APPL2: variants seen among roughly 807,000 people sequenced by gnomAD.
The protein encoded by APPL2 is adaptor protein, phosphotyrosine interacting with PH domain and leucine zipper 2, also known as DCC-interacting protein 13-beta.
Under a neutral mutation model 92.7 loss-of-function variants are expected in APPL2, and 84 were observed. The ratio of observed to expected loss-of-function variants is 0.91; its 90% CI spans 0.76 to 1.09. The LOEUF is 1.09. APPL2 is among the 50% of genes least tolerant of loss of function. APPL2 has a pLI of 0.00. For synonymous variants in APPL2, 291 were observed against 291.0 expected, an observed-to-expected ratio of 1.00 and a Z score of 0.00; for missense variants, 736 against 824.5, an observed-to-expected ratio of 0.89 and a Z score of 1.31.
At chr12:105,186,645 G>GATATAT (rs879884212) in intron 17 of APPL2, among the ~76,000 whole-genome samples, 45,688 of 126,260 alleles carry the variant, frequency 0.36, 9,086 homozygotes, top group Middle Eastern at 0.55. Flanking sequence ...TCATATATAT[G>GATATAT]ATATCGATAT....
chr12:105,185,289 G>A (rs901093013), intron 17 of APPL2, among the ~76,000 whole-genome samples: 5 of 152,208 alleles, frequency 3.3e-5, no homozygotes, highest in African/African-American at 1.2e-4. Context: ...CTGAGGTTCA[G>A]ACGCCACTGG....
chr12:105,208,946 A>T (rs1888989407), intron 5 of APPL2, among the ~76,000 whole-genome samples: 1 of 152,212 alleles, frequency 6.6e-6, no homozygotes, highest in South Asian at 2.1e-4. Flanking sequence ...ATTCACATCT[A>T]TGTTGGTTAT....
rs768116990 is a variant in APPL2, at chr12:105,174,457, A to G, written c.1861-9T>C. 1.2e-6 allele frequency: 2 copies of G among 1,610,198 alleles called. No individual in the cohort carries two copies. Among genetic ancestry groups the G allele is most frequent in the African/African-American group, 2.7e-5 (2 of 74,630 alleles). ...GCCAGTGCTTCTGGATCCTGAAGTT[A>G]GGAGAGTTTAAAAGGGAAAAAAGAA... is the stretch of plus-strand genomic sequence containing the variant. On this transcript the variant is annotated splice_polypyrimidine_tract_variant and intron_variant, in intron 20 of 20. Coordinates refer to ENST00000258530, the MANE Select transcript of APPL2 (RefSeq NM_018171.5).
At chr12:105,176,247 G>C (rs780962484) in intron 19 of APPL2, 165 bp from the exon 20 acceptor site, 5 of 606,230 alleles carry the variant, frequency 8.2e-6, no homozygotes, top group Non-Finnish European at 1.4e-5. Context: ...GGGCATTTGC[G>C]TCCAACTGTC....
chr12:105,190,116 GTCATTT>G lies in APPL2; in HGVS notation c.1275_1280del (p.Glu425_Asn426del). On this transcript the variant is annotated inframe_deletion, in exon 15 of 21. Transcript: ENST00000258530. ...TGGCTGTTGCTTTGGGAACAATCTTGTCATTTTCATTTTCCATCTCTGAATTTTTCA... is the reference window on the plus strand; with the variant it reads ...TGGCTGTTGCTTTGGGAACAATCTTGTCATTTTCCATCTCTGAATTTTTCA... 1 of 1,613,994 alleles carries G rather than the reference GTCATTT, an allele frequency of 6.2e-7. No homozygotes were observed. The highest frequency in any genetic ancestry group is 1.3e-5 in the African/African-American group (1 of 75,016).
intron 11 of APPL2, 62 bp downstream of exon 11, chr12:105,197,703 C>T: frequency 1.3e-6 from 2 of 1,592,712 alleles, no homozygotes; most frequent in Non-Finnish European, 1.7e-6. Context: ...AACTAGGAGG[C>T]CCTTGGAACG....
intron 11 of APPL2, 120 bp from the exon 12 acceptor site, chr12:105,195,747 G>C: frequency 9.1e-7 from 1 of 1,096,738 alleles, no homozygotes. Context: ...GCAGCATGAT[G>C]AGAGGGAAAG....
chr12:105,175,742 G>A lies in APPL2; in HGVS notation c.1860+293C>T, dbSNP rs138407553. On this transcript the variant is annotated intron_variant, in intron 20 of 20. Transcript: ENST00000258530. ...GGAGCAAGGCCTTAGAGCAGCACAC[G>A]GTGGGTACTTATCTATCATCTTAAT... Among the ~76,000 whole-genome samples the A allele has an allele frequency of 1.0e-3, 149 of 143,484 alleles. 2 individuals carry two copies. The highest frequency in any genetic ancestry group is 3.8e-3 in the African/African-American group (144 of 38,098). The allele number at this position is 143,484 out of a possible 152,430, so 94.1% of individuals were successfully genotyped here. A position where few individuals can be genotyped will look rare whatever the true frequency, so the allele number is the denominator to read the frequency against.
At chr12:105,186,674 G>GATATCGATATCATATATATCAT (rs1566056451) in intron 17 of APPL2, among the ~76,000 whole-genome samples, 1 of 47,448 alleles carries the variant, frequency 2.1e-5, no homozygotes, top group African/African-American at 4.8e-5. Flanking sequence ...TCATATATAT[G>GATATCGATATCATATATATCAT]ATATATCATA....
intron 16 of APPL2, 114 bp from the exon 17 acceptor site, chr12:105,188,561 A>T: frequency 9.5e-7 from 1 of 1,047,700 alleles, no homozygotes; most frequent in Non-Finnish European, 1.4e-6. Flanking sequence ...CTTTCTACCA[A>T]AATTTCTCAA....
rs557451579 is a variant in APPL2 at position 105,180,641 on chromosome 12, T to G, written c.1635-3379A>C. Among the ~76,000 whole-genome samples the G allele has an allele frequency of 3.3e-5, 5 of 152,356 alleles. No individual in the cohort carries two copies. The East Asian group carries it at 9.6e-4, about 29-fold the overall frequency. On this transcript the variant is annotated intron_variant, in intron 17 of 20. Transcript: ENST00000258530. Reference sequence around the variant, plus strand: ...TTTGTTTGTGTCCTCTCTTATTTCCTTGAGCAGTGGTTTGTAGTTCTCCTT... The same window carrying G: ...TTTGTTTGTGTCCTCTCTTATTTCCGTGAGCAGTGGTTTGTAGTTCTCCTT...
Position 105,176,964 on chromosome 12 carries a change from A to G in APPL2, c.1724T>C (p.Leu575Pro). 6.2e-7 allele frequency: 1 copy of G among 1,614,132 alleles called. No individual in the cohort carries two copies. Among genetic ancestry groups the G allele is most frequent in the South Asian group, 1.1e-5 (1 of 91,076 alleles). ...AGGAACACGGATGACAAAACCAACC[A>G]GTCTCTTGTTTTCTTGATGAGCAGC... The part of the protein sequence containing the change: ...QFAAHQENKR[L>P]VGFVIRVPES... Residue 575 changes from leucine (L) to proline (P), a missense_variant, in exon 19 of 21, where the codon CTG becomes CCG. Transcript: ENST00000258530.
At chr12:105,174,886 G>GGGGC (rs1480627928) in intron 20 of APPL2, among the ~76,000 whole-genome samples, 1 of 140,604 alleles carries the variant, frequency 7.1e-6, no homozygotes, top group Non-Finnish European at 1.6e-5. Flanking sequence ...TGGGGGGGGG[G>GGGGC]GTGGTGCGGC....
rs1891209912 is a variant in APPL2, at chr12:105,236,077, G to GAGCAC, written c.-70_-66dup. On this transcript the variant is annotated 5_prime_UTR_variant, in exon 1 of 21. Transcript: ENST00000258530. The stretch of plus-strand genomic sequence containing the variant: ...AGAGGGCAGGAGACGCGGCGGCCGA[G>GAGCAC]AGCACTCCCCGGCTCTGGGCTCAGG... 1 of 1,161,416 alleles carries GAGCAC rather than the reference G, an allele frequency of 8.6e-7. No individual in the cohort carries two copies. The highest frequency in any genetic ancestry group is 1.1e-6 in the Non-Finnish European group (1 of 924,732). The allele number at this position is 1,161,416 out of a possible 1,614,324, so 71.9% of individuals were successfully genotyped here.
chr12:105,222,000 G>C (rs958637886), intron 2 of APPL2, among the ~76,000 whole-genome samples: 1 of 152,158 alleles, frequency 6.6e-6, no homozygotes, highest in Non-Finnish European at 1.5e-5. Flanking sequence ...AATCCACATC[G>C]ATCTATACCA....
Position 105,189,806 on chromosome 12 carries a change from A to C in APPL2, c.1425T>G (p.Gly475=). ...NRGSRRTNPF[G]ETEDESFPEA... ...CTGGAAATGATTCATCCTCAGTTTC[A>C]CCAAAAGGGTTGGTACGCCTAGGGG... Residue 475 remains glycine, a synonymous_variant, in exon 16 of 21, where the codon GGT becomes GGG. Coordinates refer to ENST00000258530, the MANE Select transcript of APPL2 (RefSeq NM_018171.5). 6.2e-7 allele frequency: 1 copy of C among 1,614,230 alleles called. No individual in the cohort carries two copies. The highest frequency in any genetic ancestry group is 8.5e-7 in the Non-Finnish European group (1 of 1,180,034).
intron 1 of APPL2, chr12:105,229,906 G>A (rs1236630117): frequency 3.3e-6 from 1 of 300,280 alleles, no homozygotes; most frequent in African/African-American, 2.3e-5. Context: ...AGCCTCCTGA[G>A]TAGCTGGGAT....
chr12:105,223,117 C>A lies in APPL2; in HGVS notation c.154-5392G>T, dbSNP rs74553697. Among the ~76,000 whole-genome samples, 916 of 152,232 alleles carry A rather than the reference C, an allele frequency of 6.0e-3. 13 individuals are homozygous for A. Among genetic ancestry groups the A allele is most frequent in the African/African-American group, 0.021 (871 of 41,512 alleles). ...TTTTCCTTGTGGTTACAGAGAGCCA[C>A]GGAGGCGTCTGAAGATGAGGAGGTG... On this transcript the variant is annotated intron_variant, in intron 2 of 20. Transcript: ENST00000258530.
intron 4 of APPL2, among the ~76,000 whole-genome samples, chr12:105,214,255 T>A (rs370429215): frequency 6.6e-6 from 1 of 152,208 alleles, no homozygotes; most frequent in African/African-American, 2.4e-5. Flanking sequence ...AAAACAATCA[T>A]CATTCCTGCC....
Sources: allele counts gnomAD v4.1 joint callset (sites outside exome capture counted in the v4.1 genomes callset), GRCh38; gene constraint gnomAD v4.1.1; transcripts MANE v1.5; gene names NCBI Gene and HGNC (gene_info 2026-07-23, HGNC 2026-07-21).